The following MALRD1 variants were observed in gnomAD, a reference collection of about 807,000 sequenced individuals.
MALRD1 encodes the protein MAM and LDL-receptor class A domain-containing protein 1.
A neutral mutation model predicts 242.1 loss-of-function variants in MALRD1; 247 were observed. The observed-to-expected ratio is 1.02, with a 90% CI of 0.92 to 1.13. The LOEUF is 1.13. MALRD1 is among the 50% of genes most tolerant of loss of function. MALRD1 has a pLI of 0.00. For synonymous variants in MALRD1, 995 were observed against 866.6 expected, an observed-to-expected ratio of 1.15 and a Z score of -2.60; for missense variants, 2,989 against 2,533.1, an observed-to-expected ratio of 1.18 and a Z score of -3.86.
intron 29 of MALRD1, among the ~76,000 whole-genome samples, chr10:19,469,502 T>TA (rs1836390761): frequency 6.6e-6 from 1 of 152,194 alleles, no homozygotes; most frequent in South Asian, 2.1e-4. Flanking sequence ...GATTCTTCAC[T>TA]AAGCACAGAG....
intron 22 of MALRD1, among the ~76,000 whole-genome samples, chr10:19,325,148 C>A (rs1358141651): frequency 6.7e-6 from 1 of 150,326 alleles, no homozygotes; most frequent in East Asian, 2.0e-4. Context: ...TATTTGTTTG[C>A]TCATTTACTG....
intron 31 of MALRD1, among the ~76,000 whole-genome samples, chr10:19,504,904 G>T (rs943616465): frequency 6.6e-6 from 1 of 150,592 alleles, no homozygotes. Flanking sequence ...GGATGGTCTC[G>T]ATCTCCTGAC....
At chr10:19,445,505 C>T (rs981041358) in intron 28 of MALRD1, among the ~76,000 whole-genome samples, 4 of 152,168 alleles carry the variant, frequency 2.6e-5, no homozygotes, top group Non-Finnish European at 5.9e-5. Flanking sequence ...TGTGGATGTC[C>T]TTTCTGTTTG....
rs867223659 is a variant in MALRD1 at position 19,130,173 on chromosome 10, G to A, written c.1110+1786G>A. Among the ~76,000 whole-genome samples, 8 of 151,888 alleles carry A rather than the reference G, an allele frequency of 5.3e-5. No homozygotes were observed. The South Asian group carries it at 1.5e-3, about 28-fold the overall frequency. On this transcript the variant is annotated intron_variant, in intron 8 of 39. Transcript: ENST00000454679. ...ACGTGTGGGGGGAGGAAGAAAAGGG[G>A]ACAACATCTCCCTATCCTTCCTGCA...
chr10:19,308,346 C>A (rs1317699354), intron 21 of MALRD1, among the ~76,000 whole-genome samples: 1 of 151,452 alleles, frequency 6.6e-6, no homozygotes, highest in Non-Finnish European at 1.5e-5. Context: ...TCAATATCCT[C>A]CTCCTATGTA....
At chr10:19,268,199 T>A (rs1460258586) in intron 19 of MALRD1, among the ~76,000 whole-genome samples, 1 of 152,050 alleles carries the variant, frequency 6.6e-6, no homozygotes, top group Non-Finnish European at 1.5e-5. Flanking sequence ...TGAATCTTTG[T>A]TATAAAGCAA....
chr10:19,637,489 C>G (rs1196963336), intron 36 of MALRD1, among the ~76,000 whole-genome samples: 2 of 152,156 alleles, frequency 1.3e-5, no homozygotes, highest in South Asian at 4.1e-4. Flanking sequence ...GAAGCTTTCC[C>G]TTGTGCTCAC....
intron 28 of MALRD1, among the ~76,000 whole-genome samples, chr10:19,448,776 T>G (rs1835146206): frequency 6.6e-6 from 1 of 151,916 alleles, no homozygotes; most frequent in African/African-American, 2.4e-5. Context: ...ATCATAGTTG[T>G]TACTTATATA....
intron 21 of MALRD1, chr10:19,291,493 C>A (rs11813469): frequency 0.06 from 9,118 of 151,908 alleles, 314 homozygotes; most frequent in South Asian, 0.11. Context: ...TAGTACACTA[C>A]GATCATGCCA....
chr10:19,213,381 A>T (rs948996040), intron 18 of MALRD1, among the ~76,000 whole-genome samples: 1 of 152,130 alleles, frequency 6.6e-6, no homozygotes, highest in Admixed American at 6.6e-5. Context: ...CTACAGCCGC[A>T]TGCTACTATG....
intron 28 of MALRD1, among the ~76,000 whole-genome samples, chr10:19,427,759 T>A (rs190586145): frequency 3.6e-4 from 55 of 152,272 alleles, no homozygotes; most frequent in African/African-American, 1.3e-3. Flanking sequence ...TTGGGGTTAA[T>A]ATTATTATAA....
intron 11 of MALRD1, among the ~76,000 whole-genome samples, chr10:19,148,791 ATATAT>A (rs1833822991): frequency 4.9e-4 from 41 of 84,454 alleles, no homozygotes; most frequent in African/African-American, 1.1e-3. Flanking sequence ...AAAAAAAAAT[ATATAT>A]ATATATATAT....
chr10:19,457,043 T>C (rs1014332211), intron 29 of MALRD1, among the ~76,000 whole-genome samples: 1 of 152,190 alleles, frequency 6.6e-6, no homozygotes, highest in Non-Finnish European at 1.5e-5. Flanking sequence ...TTCTTCATGG[T>C]AACTACTCAA....
chr10:19,633,546 T>G (rs555981561), intron 36 of MALRD1: 1 of 152,216 alleles, frequency 6.6e-6, no homozygotes, highest in East Asian at 1.9e-4. Flanking sequence ...AGACAGAATA[T>G]CCTACCCATA....
chr10:19,523,908 T>A (rs917189498), intron 31 of MALRD1, among the ~76,000 whole-genome samples: 2 of 152,172 alleles, frequency 1.3e-5, no homozygotes, highest in Non-Finnish European at 2.9e-5. Flanking sequence ...TAAAAAAGTG[T>A]TTTTATTTAA....
At chr10:19,065,184 G>A (rs186173789) in intron 1 of MALRD1, among the ~76,000 whole-genome samples, 119 of 150,702 alleles carry the variant, frequency 7.9e-4, no homozygotes, top group African/African-American at 2.8e-3. Context: ...CTACTTGGGA[G>A]GCTGAGGCAG....
chr10:19,585,697 A>G (rs1312953337), intron 33 of MALRD1, among the ~76,000 whole-genome samples: 2 of 151,790 alleles, frequency 1.3e-5, no homozygotes, highest in Non-Finnish European at 2.9e-5. Context: ...TCTGACAATT[A>G]TGTGTCTTGG....
chr10:19,462,613 A>G (rs7904642), intron 29 of MALRD1, among the ~76,000 whole-genome samples: 124,077 of 152,206 alleles, frequency 0.82, 50,775 homozygotes, highest in East Asian at 1. Flanking sequence ...CAAATCCACT[A>G]TAAGCTCATT....
chr10:19,716,413 C>G (rs73597603), intron 38 of MALRD1, among the ~76,000 whole-genome samples: 2 of 152,098 alleles, frequency 1.3e-5, no homozygotes, highest in Non-Finnish European at 2.9e-5. Flanking sequence ...GGCACCTGCC[C>G]CAACTCTCTC....
Sources: gnomAD v4.1 joint callset for allele counts (sites outside exome capture counted in the v4.1 genomes callset) on GRCh38, gnomAD v4.1.1 for gene constraint, MANE v1.5 for transcripts, NCBI Gene and HGNC (gene_info 2026-07-23, HGNC 2026-07-21) for gene names.